Variants in DYSF observed in about 807,000 individuals in gnomAD.
The protein encoded by DYSF is dystrophy-associated fer-1-like 1.
A neutral mutation model predicts 274.9 loss-of-function variants in DYSF; 212 were observed. That is an observed-to-expected ratio of 0.77 (90% CI 0.69 to 0.86). The LOEUF is 0.86. DYSF is among the 40% of genes least tolerant of loss of function. DYSF has a pLI of 0.00. For synonymous variants in DYSF, 1,091 were observed against 1,078.7 expected (o/e 1.01, Z -0.22); for missense variants, 2,666 against 2,783.2 (o/e 0.96, Z 0.95).
chr2:71,515,857 G>A, intron 8 of DYSF, 106 bp downstream of exon 8: 1 of 1,511,550 alleles, frequency 6.6e-7, no homozygotes, highest in East Asian at 2.4e-5. Flanking sequence ...GTATGGCGCT[G>A]ACCTTGGGTG....
At chr2:71,614,997 C>T (rs1363033933) in intron 40 of DYSF, among the ~76,000 whole-genome samples, 1 of 152,168 alleles carries the variant, frequency 6.6e-6, no homozygotes, top group Non-Finnish European at 1.5e-5. Flanking sequence ...CTCCTGTTTC[C>T]CGGCTGCTCC....
intron 1 of DYSF, among the ~76,000 whole-genome samples, chr2:71,468,203 A>G (rs1311225423): frequency 6.6e-6 from 1 of 152,208 alleles, no homozygotes; most frequent in African/African-American, 2.4e-5. Flanking sequence ...GCTATGCAGA[A>G]ATTGCGGTGT....
intron 28 of DYSF, 25 bp from the exon 29 acceptor site, chr2:71,570,574 G>C: frequency 6.2e-7 from 1 of 1,612,184 alleles, no homozygotes; most frequent in Non-Finnish European, 8.5e-7. Flanking sequence ...GCCAAGCAAT[G>C]AGTGACCGGT....
intron 51 of DYSF, among the ~76,000 whole-genome samples, chr2:71,671,550 A>G (rs2095122082): frequency 6.6e-6 from 1 of 152,066 alleles, no homozygotes; most frequent in Non-Finnish European, 1.5e-5. Context: ...ACAGGTGGAG[A>G]TGTGGATTAG....
At chr2:71,619,446 C>T (rs768684660) in intron 40 of DYSF, among the ~76,000 whole-genome samples, 2 of 152,152 alleles carry the variant, frequency 1.3e-5, no homozygotes, top group Non-Finnish European at 2.9e-5. Flanking sequence ...CCCAAACGTC[C>T]CTCCTGGGCC....
intron 29 of DYSF, among the ~76,000 whole-genome samples, chr2:71,571,419 TCA>T (rs1481990817): frequency 2.4e-5 from 2 of 82,114 alleles, no homozygotes; most frequent in East Asian, 3.8e-4. Context: ...CACACACAGA[TCA>T]CAGTCAGCAC....
intron 23 of DYSF, 21 bp from the exon 24 acceptor site, chr2:71,564,037 C>G (rs573271248): frequency 3.7e-6 from 6 of 1,613,458 alleles, no homozygotes; most frequent in African/African-American, 1.3e-5. Context: ...ATCCCCACCC[C>G]GACCACCACC....
Position 71,674,284 on chromosome 2 carries a change from G to A in DYSF, c.5872G>A (p.Asp1958Asn), listed in dbSNP as rs1432565538. 5.0e-6 allele frequency: 8 copies of A among 1,614,110 alleles called. No homozygotes were observed. The Admixed American group carries it at 1.3e-4, about 27-fold the overall frequency. Residue 1958 changes from aspartate (D) to asparagine (N), a missense_variant, in exon 52 of 56, where the codon GAT becomes AAT. This residue lies in a region of DYSF where 1,460 missense variants were observed against 1,502.1 expected (regional missense o/e 0.97). Coordinates refer to ENST00000410020, the MANE Select transcript of DYSF (RefSeq NM_001130987.2). ...QIWDNDKFSF[D>N]DFLGSLQLDL... Reference sequence around the variant, plus strand: ...CTGGGACAATGACAAGTTCTCCTTTGATGATTTTCTGGGTAAGCGCTATTG... The same window carrying A: ...CTGGGACAATGACAAGTTCTCCTTTAATGATTTTCTGGGTAAGCGCTATTG...
At chr2:71,581,271 C>T (rs1298677362) in intron 30 of DYSF, among the ~76,000 whole-genome samples, 1 of 152,260 alleles carries the variant, frequency 6.6e-6, no homozygotes, top group Non-Finnish European at 1.5e-5. Flanking sequence ...TTCCTGATTC[C>T]ACCCTCAGCT....
intron 5 of DYSF, among the ~76,000 whole-genome samples, chr2:71,512,931 C>T (rs2086247365): frequency 6.6e-6 from 1 of 151,936 alleles, no homozygotes. Flanking sequence ...CTGGAGTGGG[C>T]TCAGGGGAGG....
At chr2:71,616,769 A>G (rs2093894459) in intron 40 of DYSF, among the ~76,000 whole-genome samples, 2 of 152,214 alleles carry the variant, frequency 1.3e-5, no homozygotes, top group Non-Finnish European at 2.9e-5. Context: ...GCTTACCTCC[A>G]TCCAAACACA....
intron 19 of DYSF, 54 bp downstream of exon 19, chr2:71,551,774 CCAGGCTGGGACTGGCCTTGAGGTGT>C: frequency 6.9e-7 from 1 of 1,457,174 alleles, no homozygotes; most frequent in South Asian, 1.2e-5. Context: ...GAAGGGATGG[CCAGGCTGGGACTGGCCTTGAGGTGT>C]CATGGCCGAG....
intron 34 of DYSF, 126 bp from the exon 35 acceptor site, chr2:71,601,373 C>G: frequency 7.9e-7 from 1 of 1,268,230 alleles, no homozygotes; most frequent in Non-Finnish European, 1.2e-6. Flanking sequence ...ATCCCTTCTA[C>G]CCTCAAGGAA....
At chr2:71,553,753 T>TCCCCCC in intron 20 of DYSF, 54 bp from the exon 21 acceptor site, 10 of 567,514 alleles carry the variant, frequency 1.8e-5, no homozygotes, top group Admixed American at 4.9e-5. Context: ...TAGCACCCCA[T>TCCCCCC]CCCACCCGCC....
At chr2:71,622,128 TTG>T (rs1422741212) in intron 41 of DYSF, among the ~76,000 whole-genome samples, 28 of 121,770 alleles carry the variant, frequency 2.3e-4, no homozygotes, top group African/African-American at 8.6e-4. Context: ...GATGATTTCT[TTG>T]TTTTTTTTTT....
At chr2:71,593,738 A>T (rs2093336103) in intron 32 of DYSF, among the ~76,000 whole-genome samples, 1 of 152,132 alleles carries the variant, frequency 6.6e-6, no homozygotes, top group African/African-American at 2.4e-5. Flanking sequence ...GGTTGGAGGG[A>T]TCATAAGCTC....
chr2:71,678,218 T>G (rs2095250735), intron 52 of DYSF, among the ~76,000 whole-genome samples: 1 of 152,040 alleles, frequency 6.6e-6, no homozygotes, highest in Admixed American at 6.5e-5. Flanking sequence ...ATGTGTGGAG[T>G]TTTCCACTTG....
intron 5 of DYSF, 74 bp from the exon 6 acceptor site, chr2:71,513,166 G>C: frequency 7.2e-7 from 1 of 1,390,506 alleles, no homozygotes; most frequent in Admixed American, 2.0e-5. Flanking sequence ...TGGGGATGGA[G>C]GTGCAGTAGG....
chr2:71,576,723 G>A (rs1455966233), intron 30 of DYSF, among the ~76,000 whole-genome samples: 1 of 152,220 alleles, frequency 6.6e-6, no homozygotes, highest in Non-Finnish European at 1.5e-5. Flanking sequence ...GGGAAGAGGT[G>A]ACTGGAGACA....
Sources: gnomAD v4.1 joint callset for allele counts (sites outside exome capture counted in the v4.1 genomes callset) on GRCh38, gnomAD v4.1.1 for gene constraint, gnomAD v4.1.1 regional missense constraint, MANE v1.5 for transcripts, NCBI Gene and HGNC (gene_info 2026-07-23, HGNC 2026-07-21) for gene names.